DSCAML1: variants seen among roughly 807,000 people sequenced by gnomAD.
DSCAML1 encodes the protein DS cell adhesion molecule like 1, also known as cell adhesion molecule DSCAML1.
Under a neutral mutation model 200.5 loss-of-function variants are expected in DSCAML1, and 38 were observed. That is an observed-to-expected ratio of 0.19 (90% CI 0.15 to 0.25). DSCAML1 has a LOEUF of 0.25. DSCAML1 is among the 10% of genes least tolerant of loss of function. DSCAML1 has a pLI of 1.00. For synonymous variants in DSCAML1, 1,215 were observed against 1,165.0 expected (o/e 1.04, Z -0.87); for missense variants, 2,223 against 2,858.8 (o/e 0.78, Z 5.07).
Position 117,780,290 on chromosome 11 carries a change from A to AAGAAAGAAAGAAAGAC in DSCAML1, c.364+202_364+203insGTCTTTCTTTCTTTCT, listed in dbSNP as rs1182660051. ...AAAGAAAGAAAGAAAGAAAGAAAGA[A>AAGAAAGAAAGAAAGAC]AGAAAGAAAGAAAGAGAGAAAGGAG... On this transcript the variant is annotated intron_variant, in intron 2 of 32. Coordinates refer to ENST00000651296, the MANE Select transcript of DSCAML1 (RefSeq NM_020693.4). The surrounding 1 kb of genome is among the most constrained non-coding windows in gnomAD (Gnocchi z 4.8). 0.028 allele frequency among the ~76,000 whole-genome samples: 2,770 copies of AAGAAAGAAAGAAAGAC among 100,174 alleles called. 90 individuals carry two copies. Among genetic ancestry groups the AAGAAAGAAAGAAAGAC allele is most frequent in the Non-Finnish European group, 0.037 (1,530 of 41,524 alleles). The allele number at this position is 100,174 out of a possible 152,430, so 65.7% of individuals were successfully genotyped here.
intron 11 of DSCAML1, among the ~76,000 whole-genome samples, chr11:117,486,306 T>TGGCGG (rs1565731027): frequency 5.8e-4 from 72 of 123,914 alleles, no homozygotes; most frequent in Middle Eastern, 4.2e-3. Flanking sequence ...GATGTGAAAG[T>TGGCGG]AGTGGATGTG....
At chr11:117,641,130 C>G (rs2052396899) in intron 3 of DSCAML1, among the ~76,000 whole-genome samples, 1 of 152,256 alleles carries the variant, frequency 6.6e-6, no homozygotes, top group Admixed American at 6.5e-5. Context: ...TAGGCCACAT[C>G]TCAATTCCCC....
intron 3 of DSCAML1, among the ~76,000 whole-genome samples, chr11:117,548,263 C>A (rs115770705): frequency 0.013 from 1,967 of 152,326 alleles, 35 homozygotes; most frequent in African/African-American, 0.044. Context: ...TTTTCTTCTT[C>A]CCCTCTAACA....
intron 3 of DSCAML1, among the ~76,000 whole-genome samples, chr11:117,662,201 C>T (rs1020895153): frequency 1.3e-5 from 2 of 152,298 alleles, no homozygotes; most frequent in East Asian, 1.9e-4. Flanking sequence ...GGGGCAAGTG[C>T]CATGTTTTTT....
intron 14 of DSCAML1, among the ~76,000 whole-genome samples, chr11:117,478,963 C>T (rs139531906): frequency 4.1e-4 from 63 of 152,354 alleles, no homozygotes; most frequent in South Asian, 2.1e-3. Context: ...TCTGAGAATA[C>T]GGTTTGTCTC....
intron 3 of DSCAML1, among the ~76,000 whole-genome samples, chr11:117,651,685 C>G (rs961798394): frequency 1.6e-5 from 2 of 127,440 alleles, no homozygotes. Context: ...GTACTCCAGC[C>G]TGGGCGACAG....
chr11:117,551,733 G>A (rs2050470281), intron 3 of DSCAML1, among the ~76,000 whole-genome samples: 1 of 152,118 alleles, frequency 6.6e-6, no homozygotes, highest in African/African-American at 2.4e-5. Flanking sequence ...GACTTTGGAG[G>A]GAGAGAGCCT....
At position 117,505,158 on chromosome 11, in the gene DSCAML1, A is replaced by C; in HGVS notation, c.2063-115T>G. 6.8e-7 allele frequency: 1 copy of C among 1,462,154 alleles called. No individual in the cohort carries two copies. Among genetic ancestry groups the C allele is most frequent in the African/African-American group, 1.4e-5 (1 of 70,908 alleles). The allele number at this position is 1,462,154 out of a possible 1,614,324, so 90.6% of individuals were successfully genotyped here. On this transcript the variant is annotated intron_variant, in intron 9 of 32. Coordinates refer to ENST00000651296, the MANE Select transcript of DSCAML1 (RefSeq NM_020693.4). The surrounding 1 kb of genome is among the most constrained non-coding windows in gnomAD (Gnocchi z 6.7). ...CTGCCCGGGCCATTATAAAGTTGGAAGCGGGCAGTTTCTGAAACCCAAGAT... is the reference window on the plus strand; with the variant it reads ...CTGCCCGGGCCATTATAAAGTTGGACGCGGGCAGTTTCTGAAACCCAAGAT...
chr11:117,488,302 C>T lies in DSCAML1; in HGVS notation c.2360-6140G>A, dbSNP rs888638411. On this transcript the variant is annotated intron_variant, in intron 11 of 32. Transcript: ENST00000651296. ...CCCCTTAATAGGGGGAAGTTCAGGG[C>T]ATAGGTGCCTGCCCCATTGATCCTT... Among the ~76,000 whole-genome samples, 9 of 152,314 alleles carry T rather than the reference C, an allele frequency of 5.9e-5. 1 individual carries two copies. Among genetic ancestry groups the T allele is most frequent in the Middle Eastern group, 3.4e-3 (1 of 294 alleles).
intron 3 of DSCAML1, among the ~76,000 whole-genome samples, chr11:117,584,479 C>T (rs17120914): frequency 0.069 from 10,569 of 152,226 alleles, 1,210 homozygotes; most frequent in African/African-American, 0.24. Flanking sequence ...ACCAGGTTTG[C>T]CCAAATCCAG....
At chr11:117,797,389 C>G (rs11216549), upstream of DSCAML1, 273,622 of 786,142 alleles carry the variant, frequency 0.35, 48,608 homozygotes, top group East Asian at 0.42. Flanking sequence ...GCGGCCCGGG[C>G]CAGACCGCCC....
intron 3 of DSCAML1, among the ~76,000 whole-genome samples, chr11:117,646,819 T>C (rs561521472): frequency 1.3e-5 from 2 of 148,334 alleles, no homozygotes; most frequent in African/African-American, 5.0e-5. Context: ...CCCAAGAATA[T>C]ATGAGTTCAA....
intron 11 of DSCAML1, among the ~76,000 whole-genome samples, chr11:117,490,323 T>A (rs1379944783): frequency 6.6e-6 from 1 of 152,146 alleles, no homozygotes; most frequent in African/African-American, 2.4e-5. Context: ...CTATTTACAT[T>A]TTAATTTGAT....
intron 3 of DSCAML1, among the ~76,000 whole-genome samples, chr11:117,603,345 G>C (rs1249175059): frequency 6.6e-6 from 1 of 152,178 alleles, no homozygotes; most frequent in East Asian, 1.9e-4. Flanking sequence ...TGACTTCCAA[G>C]GTAAGGAAAC....
chr11:117,780,183 AAAAG>A lies in DSCAML1; in HGVS notation c.364+306_364+309del, dbSNP rs201138104. ...AGAAAGAAAGAAAGAAAAAAAGAAA[AAAAG>A]AAAGAAAGAAAGAGAAAGAAAGAGA... On this transcript the variant is annotated intron_variant, in intron 2 of 32. Coordinates refer to ENST00000651296, the MANE Select transcript of DSCAML1 (RefSeq NM_020693.4). This position sits in a 1 kb window ranked among gnomAD's most constrained non-coding sequence, Gnocchi z 4.8. Among the ~76,000 whole-genome samples the A allele has an allele frequency of 0.017, 1,813 of 108,600 alleles. 114 individuals are homozygous for A. Among genetic ancestry groups the A allele is most frequent in the African/African-American group, 0.055 (1,591 of 28,758 alleles). The allele number at this position is 108,600 out of a possible 152,430, so 71.2% of individuals were successfully genotyped here. A position where few individuals can be genotyped will look rare whatever the true frequency, so the allele number is the denominator to read the frequency against.
chr11:117,753,441 G>A (rs551520791), intron 3 of DSCAML1, among the ~76,000 whole-genome samples: 13 of 152,168 alleles, frequency 8.5e-5, no homozygotes, highest in African/African-American at 1.9e-4. Flanking sequence ...AGTCTGCTCC[G>A]TTGTCAACCT....
intron 19 of DSCAML1, among the ~76,000 whole-genome samples, chr11:117,451,062 G>A (rs939031073): frequency 6.6e-6 from 1 of 152,166 alleles, no homozygotes; most frequent in African/African-American, 2.4e-5. Context: ...TATTTAGGGG[G>A]AAAATACCCG....
chr11:117,557,811 G>A (rs2050586143), intron 3 of DSCAML1, among the ~76,000 whole-genome samples: 1 of 151,786 alleles, frequency 6.6e-6, no homozygotes, highest in African/African-American at 2.4e-5. Context: ...ATCTATCTAG[G>A]GTGTAGATCT....
At chr11:117,806,475 G>A (rs2055707945) in intron 1 of DSCAML1, among the ~76,000 whole-genome samples, 1 of 152,170 alleles carries the variant, frequency 6.6e-6, no homozygotes, top group Non-Finnish European at 1.5e-5. Context: ...AGCCAAAGTA[G>A]CTTCTTCTTT....
Sources: gnomAD v4.1 joint callset for allele counts (sites outside exome capture counted in the v4.1 genomes callset) on GRCh38, gnomAD v4.1.1 for gene constraint, Gnocchi (gnomAD v3.1) non-coding constraint, MANE v1.5 for transcripts, NCBI Gene and HGNC (gene_info 2026-07-23, HGNC 2026-07-21) for gene names.